The following DNAH12 variants were observed in gnomAD, a reference collection of about 807,000 sequenced individuals.
The protein encoded by DNAH12 is axonemal beta dynein heavy chain 12.
A neutral mutation model predicts 371.5 loss-of-function variants in DNAH12; 285 were observed. That is an observed-to-expected ratio of 0.77 (90% CI 0.70 to 0.85). The LOEUF (loss-of-function observed/expected upper bound fraction) is 0.85. DNAH12 is among the 40% of genes least tolerant of loss of function. The pLI is 0.00. For synonymous variants in DNAH12, 1,200 were observed against 1,213.0 expected, an observed-to-expected ratio of 0.99 and a Z score of 0.22; for missense variants, 3,611 against 3,689.4, an observed-to-expected ratio of 0.98 and a Z score of 0.55.
chr3:57,366,558 G>A lies in DNAH12; in HGVS notation c.9167+171C>T, dbSNP rs975912395. Among the ~76,000 whole-genome samples the A allele has an allele frequency of 7.1e-3, 1,084 of 152,124 alleles. 7 individuals carry two copies. The highest frequency in any genetic ancestry group is 0.024 in the African/African-American group (1,010 of 41,512). On this transcript the variant is annotated intron_variant, in intron 57 of 73. Coordinates refer to ENST00000495027, the MANE Select transcript of DNAH12 (RefSeq NM_001366028.2). Reference sequence around the variant, plus strand: ...CATACTAAAAGCCCAATATAACACGGTTGGCTTATAACTTACTTGTTACAG... The same window carrying A: ...CATACTAAAAGCCCAATATAACACGATTGGCTTATAACTTACTTGTTACAG...
Position 57,338,022 on chromosome 3 carries a change from TTC to T in DNAH12, c.9675-3084_9675-3083del, listed in dbSNP as rs200504571. ...TTGTTTCGCTCTCCCTCTCTCTCTC[TTC>T]TCTCTCTTTCCACGGTCTCCCTCTG... On this transcript the variant is annotated intron_variant, in intron 60 of 73. Transcript: ENST00000495027. Among the ~76,000 whole-genome samples, 1,119 of 152,252 alleles carry T rather than the reference TTC, an allele frequency of 7.3e-3. 13 individuals carry two copies. The highest frequency in any genetic ancestry group is 0.025 in the African/African-American group (1,039 of 41,538).
At chr3:57,509,590 G>A (rs964804696) in intron 5 of DNAH12, among the ~76,000 whole-genome samples, 1 of 151,976 alleles carries the variant, frequency 6.6e-6, no homozygotes, top group African/African-American at 2.4e-5. Flanking sequence ...GGCCGAGCGC[G>A]GTGGCTCATG....
chr3:57,473,532 A>G (rs557868291), intron 13 of DNAH12, among the ~76,000 whole-genome samples: 9 of 152,088 alleles, frequency 5.9e-5, no homozygotes, highest in Admixed American at 3.3e-4. Flanking sequence ...AAAAACTCTT[A>G]AAACAATAGA....
chr3:57,440,455 G>A (rs6445880), intron 29 of DNAH12, among the ~76,000 whole-genome samples: 104,400 of 152,116 alleles, frequency 0.69, 36,002 homozygotes, highest in South Asian at 0.78. Flanking sequence ...GTTCTCACTT[G>A]TAAGTGGTAG....
chr3:57,357,955 C>A (rs1470118664), intron 58 of DNAH12, among the ~76,000 whole-genome samples: 2 of 152,164 alleles, frequency 1.3e-5, no homozygotes, highest in Non-Finnish European at 2.9e-5. Flanking sequence ...AGATATTCAA[C>A]CCCCAAAGAA....
chr3:57,407,467 C>T (rs78146765), intron 40 of DNAH12, among the ~76,000 whole-genome samples: 1,679 of 152,194 alleles, frequency 0.011, 30 homozygotes, highest in African/African-American at 0.038. Flanking sequence ...AGTTTCTTTA[C>T]TTGAACAGCA....
chr3:57,325,942 G>A (rs1215229105), intron 62 of DNAH12, among the ~76,000 whole-genome samples: 1 of 152,216 alleles, frequency 6.6e-6, no homozygotes, highest in East Asian at 1.9e-4. Flanking sequence ...AGGAGCCGAT[G>A]CGATCAGCTG....
chr3:57,439,808 CA>C (rs1207913242), intron 29 of DNAH12, among the ~76,000 whole-genome samples: 1 of 151,064 alleles, frequency 6.6e-6, no homozygotes, highest in African/African-American at 2.4e-5. Context: ...GTCTAATATC[CA>C]GAATTGATAA....
At chr3:57,321,275 A>G (rs1450853901) in intron 65 of DNAH12, among the ~76,000 whole-genome samples, 1 of 152,172 alleles carries the variant, frequency 6.6e-6, no homozygotes, top group Non-Finnish European at 1.5e-5. Flanking sequence ...TTTGCAAACA[A>G]AATTATGGCG....
Position 57,293,908 on chromosome 3 carries a change from C to A in DNAH12, c.11756G>T (p.Arg3919Leu). Residue 3919 changes from arginine (R) to leucine (L), a missense_variant, in exon 74 of 74, where the codon CGT becomes CTT. By Grantham distance (102) the Arg-to-Leu change is moderately radical. Around this residue, in one of 3 missense-constraint regions of DNAH12, gnomAD observed 2,266 missense variants for 2,236.9 expected, o/e 1.01. Transcript: ENST00000495027. ...TCCCGTAGTGGAAAGAGTTCCTTTACGTTCACTTGTCTTGTAGAGGGGACA... is the reference window on the plus strand; with the variant it reads ...TCCCGTAGTGGAAAGAGTTCCTTTAAGTTCACTTGTCTTGTAGAGGGGACA... ...YVCPLYKTSE[R>L]KGTLSTTGHS... 2.0e-6 allele frequency: 3 copies of A among 1,537,960 alleles called. No homozygotes were observed. The highest frequency in any genetic ancestry group is 1.2e-5 in the South Asian group (1 of 81,612).
chr3:57,361,929 A>G (rs1575503504), intron 58 of DNAH12, among the ~76,000 whole-genome samples: 1 of 152,164 alleles, frequency 6.6e-6, no homozygotes, highest in Admixed American at 6.5e-5. Context: ...TTTGTTACAC[A>G]TGTATACAAG....
At chr3:57,499,645 A>ATATATATAT (rs1246732869) in intron 11 of DNAH12, among the ~76,000 whole-genome samples, 6 of 23,366 alleles carry the variant, frequency 2.6e-4, no homozygotes, top group African/African-American at 6.9e-4. Context: ...AAAAAAAAAA[A>ATATATATAT]AAATATATAT....
intron 69 of DNAH12, among the ~76,000 whole-genome samples, chr3:57,306,028 G>A (rs2061462546): frequency 1.3e-5 from 2 of 152,186 alleles, no homozygotes; most frequent in Non-Finnish European, 2.9e-5. Context: ...CGTCCCATCT[G>A]TGCGGGACCC....
chr3:57,415,267 A>G (rs2064333102), intron 38 of DNAH12, among the ~76,000 whole-genome samples, 159 bp downstream of exon 38: 1 of 152,214 alleles, frequency 6.6e-6, no homozygotes, highest in African/African-American at 2.4e-5. Flanking sequence ...GTTCTCTGAA[A>G]CTTGTATCAT....
At chr3:57,332,033 A>G (rs1383322757) in intron 62 of DNAH12, among the ~76,000 whole-genome samples, 2 of 152,050 alleles carry the variant, frequency 1.3e-5, no homozygotes, top group African/African-American at 4.8e-5. Context: ...CTCCTTGACT[A>G]TAAATCCCCA....
intron 4 of DNAH12, among the ~76,000 whole-genome samples, chr3:57,513,138 A>AG (rs1001642838): frequency 6.8e-6 from 1 of 148,118 alleles, no homozygotes; most frequent in African/African-American, 2.5e-5. Flanking sequence ...CTTCATCTCA[A>AG]AAAAAAAAAA....
chr3:57,323,956 A>T (rs1368068181), intron 62 of DNAH12, among the ~76,000 whole-genome samples: 1 of 152,214 alleles, frequency 6.6e-6, no homozygotes. Flanking sequence ...TAGAACCCCA[A>T]GTTTTCCTGG....
Position 57,507,720 on chromosome 3 carries a change from T to C in DNAH12, c.820A>G (p.Lys274Glu). 2.5e-6 allele frequency: 4 copies of C among 1,611,438 alleles called. No individual in the cohort carries two copies. The East Asian group carries it at 8.9e-5, about 36-fold the overall frequency. ...GGTTTAACACCTTCTAGTGCCTCCT[T>C]CTTGGTAAAGAGATTTATAACCTTT... Reference protein sequence around the residue: ...YPKVINLFTKKEALEGVKPEK... With the variant: ...YPKVINLFTKEEALEGVKPEK... The change falls in exon 8 of 74, where the codon AAG (lysine) becomes GAG (glutamate). Residue 274 changes from lysine to glutamate, a missense_variant. Physicochemically the swap from Lys to Glu is moderately conservative, Grantham distance 56. Coordinates refer to ENST00000495027, the MANE Select transcript of DNAH12 (RefSeq NM_001366028.2).
At chr3:57,449,995 C>T (rs929834209) in intron 25 of DNAH12, among the ~76,000 whole-genome samples, 1 of 152,202 alleles carries the variant, frequency 6.6e-6, no homozygotes, top group African/African-American at 2.4e-5. Context: ...CACCCGTAAT[C>T]CCAACACTTT....
Sources: allele counts gnomAD v4.1 joint callset (sites outside exome capture counted in the v4.1 genomes callset), GRCh38; gene constraint gnomAD v4.1.1; regional missense constraint gnomAD v4.1.1; transcripts MANE v1.5; gene names NCBI Gene and HGNC (gene_info 2026-07-23, HGNC 2026-07-21).